Variants in SYT1 observed in about 807,000 individuals in gnomAD.
The protein encoded by SYT1 is synaptotagmin 1, also known as synaptotagmin-1.
SYT1 carries 8 observed loss-of-function variants against 44.8 expected under a neutral mutation model. The observed-to-expected ratio is 0.18, with a 90% confidence interval of 0.10 to 0.32. The LOEUF (loss-of-function observed/expected upper bound fraction) is 0.32, where lower values mean the gene tolerates loss of function less well. Ranked by LOEUF, SYT1 falls within the 10% of genes least tolerant of loss-of-function variation. The probability of loss-of-function intolerance (pLI) is 1.00; values close to 1 mark genes in which losing one functional copy is unlikely to be tolerated. For synonymous variants in SYT1, 154 were observed against 188.8 expected (o/e 0.82, Z 1.51); for missense variants, 286 against 509.3 (o/e 0.56, Z 4.22).
At chr12:79,287,813 G>T (rs1879385370) in intron 5 of SYT1, among the ~76,000 whole-genome samples, 1 of 152,060 alleles carries the variant, frequency 6.6e-6, no homozygotes, top group South Asian at 2.1e-4. Context: ...ATTAATGGGG[G>T]TTAATTTTTC....
At chr12:79,005,742 C>G (rs1461804552) in intron 2 of SYT1, among the ~76,000 whole-genome samples, 5 of 151,930 alleles carry the variant, frequency 3.3e-5, no homozygotes, top group African/African-American at 1.2e-4. Flanking sequence ...AATTACCAAG[C>G]CAGAAAAGAA....
chr12:78,916,433 T>C (rs1876659339), intron 1 of SYT1, among the ~76,000 whole-genome samples: 1 of 152,058 alleles, frequency 6.6e-6, no homozygotes, highest in African/African-American at 2.4e-5. Context: ...CTGAAACCAA[T>C]ATTCCTTTGA....
chr12:79,066,847 T>C (rs1017815117), intron 3 of SYT1, among the ~76,000 whole-genome samples: 8 of 152,192 alleles, frequency 5.3e-5, no homozygotes, highest in Admixed American at 3.9e-4. Flanking sequence ...CTTAAACTAA[T>C]TGCATTTTCC....
intron 3 of SYT1, among the ~76,000 whole-genome samples, chr12:79,111,461 C>T (rs1241475951): frequency 6.6e-6 from 1 of 151,938 alleles, no homozygotes; most frequent in Non-Finnish European, 1.5e-5. Context: ...TTTTTTTATT[C>T]ATCTTAACAT....
At chr12:79,081,383 CTTTT>C (rs375161906) in intron 3 of SYT1, among the ~76,000 whole-genome samples, 1 of 141,352 alleles carries the variant, frequency 7.1e-6, no homozygotes. Flanking sequence ...CACAAATTCA[CTTTT>C]TTTTTTTTTT....
intron 2 of SYT1, among the ~76,000 whole-genome samples, chr12:78,982,719 G>T (rs1424332683): frequency 6.6e-6 from 1 of 152,144 alleles, no homozygotes; most frequent in African/African-American, 2.4e-5. Flanking sequence ...AAGCATAGAA[G>T]TGATACCTCA....
At chr12:78,913,199 ATT>A (rs1282309063) in intron 1 of SYT1, among the ~76,000 whole-genome samples, 1 of 151,310 alleles carries the variant, frequency 6.6e-6, no homozygotes, top group Non-Finnish European at 1.5e-5. Context: ...TATTGAATTT[ATT>A]TTGTTTTCTT....
At position 79,450,664 on chromosome 12, in the gene SYT1, C is replaced by A. The variant is rs1871006464; in HGVS notation, c.*1540C>A. On this transcript the variant is annotated 3_prime_UTR_variant, in exon 11 of 11. Transcript: ENST00000261205. The stretch of plus-strand genomic sequence containing the variant: ...ATTCCGTAGTGATATTGTAACAATA[C>A]TGCCATTCCCTTCTACTGCACTGCC... The A allele has an allele frequency of 6.6e-6, 1 of 152,648 alleles. No homozygotes were observed. The highest frequency in any genetic ancestry group is 2.4e-5 in the African/African-American group (1 of 41,470). 9.5% of individuals were successfully genotyped at this position (152,648 alleles called of 1,614,324 possible).
At chr12:79,181,101 G>A (rs1214803938) in intron 3 of SYT1, among the ~76,000 whole-genome samples, 5 of 152,174 alleles carry the variant, frequency 3.3e-5, no homozygotes, top group East Asian at 3.9e-4. Context: ...GCAGAACTGC[G>A]AGTCAATTAC....
chr12:79,249,430 T>C (rs1356013704), intron 4 of SYT1, among the ~76,000 whole-genome samples: 1 of 152,028 alleles, frequency 6.6e-6, no homozygotes, highest in Non-Finnish European at 1.5e-5. Context: ...ATATCTTCCA[T>C]CTGAAGAGTT....
At chr12:79,383,478 A>G (rs1360961882) in intron 9 of SYT1, among the ~76,000 whole-genome samples, 1 of 152,180 alleles carries the variant, frequency 6.6e-6, no homozygotes, top group Non-Finnish European at 1.5e-5. Flanking sequence ...AAATAAGTTT[A>G]TATAGTATAG....
intron 6 of SYT1, among the ~76,000 whole-genome samples, chr12:79,292,673 T>C (rs920140232): frequency 1.3e-5 from 2 of 152,176 alleles, no homozygotes; most frequent in Non-Finnish European, 2.9e-5. Flanking sequence ...ACAGCAATTC[T>C]AAAAGAGTGA....
chr12:79,198,196 A>G (rs569262422), intron 3 of SYT1, among the ~76,000 whole-genome samples: 2 of 152,298 alleles, frequency 1.3e-5, no homozygotes, highest in Non-Finnish European at 2.9e-5. Flanking sequence ...TTTAGTACTT[A>G]CATTGTCTTT....
chr12:79,265,411 A>T (rs1425809949), intron 4 of SYT1, among the ~76,000 whole-genome samples: 1 of 152,130 alleles, frequency 6.6e-6, no homozygotes, highest in Non-Finnish European at 1.5e-5. Context: ...TTTTTTGACA[A>T]ATGATTTTCA....
intron 8 of SYT1, chr12:79,341,324 T>C (rs1882364349): frequency 6.6e-6 from 1 of 152,296 alleles, no homozygotes; most frequent in East Asian, 1.9e-4. Context: ...GGCTCTGCTT[T>C]ATTAAATCTT....
At chr12:78,987,493 T>C (rs549161233) in intron 2 of SYT1, among the ~76,000 whole-genome samples, 4 of 152,148 alleles carry the variant, frequency 2.6e-5, no homozygotes, top group African/African-American at 7.2e-5. Flanking sequence ...ACTATTTTTT[T>C]ACTCAGCTCT....
At position 79,091,623 on chromosome 12, in the gene SYT1, T is replaced by A. The variant is rs536240580; in HGVS notation, c.-18+44261T>A. ...CACATTTAATTTCAGTGATTCCAAG[T>A]CAGAAAAAAATTGGAGAAAAAAGTG... On this transcript the variant is annotated intron_variant, in intron 3 of 10. Transcript: ENST00000261205. Among the ~76,000 whole-genome samples, 13 of 151,978 alleles carry A rather than the reference T, an allele frequency of 8.6e-5. No individual in the cohort carries two copies. In the East Asian group the frequency reaches 2.3e-3, roughly 27 times the overall value.
chr12:79,183,375 AG>A (rs1260432971), intron 3 of SYT1, among the ~76,000 whole-genome samples: 1 of 152,050 alleles, frequency 6.6e-6, no homozygotes. Context: ...GTTCTCAACC[AG>A]GGATGATACT....
At chr12:79,263,296 G>A (rs1877938815) in intron 4 of SYT1, among the ~76,000 whole-genome samples, 1 of 147,584 alleles carries the variant, frequency 6.8e-6, no homozygotes, top group African/African-American at 2.5e-5. Context: ...TATGTCCAGA[G>A]TTCTACTATT....
Sources: allele counts gnomAD v4.1 joint callset (sites outside exome capture counted in the v4.1 genomes callset), GRCh38; gene constraint gnomAD v4.1.1; transcripts MANE v1.5; gene names NCBI Gene and HGNC (gene_info 2026-07-23, HGNC 2026-07-21).